Variants in LIMCH1 observed in about 807,000 individuals in gnomAD.
LIMCH1 encodes the protein LIM and calponin homology domains 1, also known as LIM and calponin homology domains-containing protein 1.
In LIMCH1, 113 loss-of-function variants were observed where a neutral mutation model predicts 176.5. The ratio of observed to expected loss-of-function variants is 0.64; its 90% CI spans 0.55 to 0.75. The LOEUF (loss-of-function observed/expected upper bound fraction) is 0.75, where lower values mean the gene tolerates loss of function less well. Ranked by LOEUF, LIMCH1 falls within the 30% of genes least tolerant of loss-of-function variation. LIMCH1 has a pLI of 0.00. For missense variants in LIMCH1, 1,674 were observed against 1,814.9 expected, an observed-to-expected ratio of 0.92 and a Z score of 1.41; for synonymous variants, 619 against 645.9, an observed-to-expected ratio of 0.96 and a Z score of 0.63.
intron 1 of LIMCH1, among the ~76,000 whole-genome samples, chr4:41,396,100 A>G (rs2057776706): frequency 6.6e-6 from 1 of 152,212 alleles, no homozygotes; most frequent in Admixed American, 6.5e-5. Flanking sequence ...GAGGAGCAGT[A>G]ACAGAAGTCA....
intron 1 of LIMCH1, among the ~76,000 whole-genome samples, chr4:41,567,778 G>A (rs370385408): frequency 2.6e-5 from 4 of 152,268 alleles, no homozygotes; most frequent in African/African-American, 7.2e-5. Context: ...GTAATAAATA[G>A]CTCTTTTTTT....
chr4:41,565,171 G>A (rs568398585), intron 1 of LIMCH1, among the ~76,000 whole-genome samples: 208 of 152,218 alleles, frequency 1.4e-3, no homozygotes, highest in Middle Eastern at 3.4e-3. Flanking sequence ...TTTTGCCAGT[G>A]CCTAGAAGCT....
At chr4:41,598,470 G>T (rs1327967658) in intron 1 of LIMCH1, among the ~76,000 whole-genome samples, 1 of 150,810 alleles carries the variant, frequency 6.6e-6, no homozygotes, top group Non-Finnish European at 1.5e-5. Context: ...TACATCTAAA[G>T]AATATATTTT....
chr4:41,682,240 T>C, intron 25 of LIMCH1, 93 bp from the exon 26 acceptor site: 1 of 903,694 alleles, frequency 1.1e-6, no homozygotes, highest in Non-Finnish European at 1.6e-6. Flanking sequence ...GGTAACATGA[T>C]TGAAAAATAC....
At chr4:41,603,730 C>A in intron 2 of LIMCH1, 145 bp from the exon 3 acceptor site, 1 of 579,932 alleles carries the variant, frequency 1.7e-6, no homozygotes, top group Non-Finnish European at 3.0e-6. Flanking sequence ...CCCGAAATCA[C>A]AAAACTTAAG....
intron 1 of LIMCH1, among the ~76,000 whole-genome samples, chr4:41,404,515 C>T (rs1382983198): frequency 5.3e-5 from 8 of 152,056 alleles, no homozygotes; most frequent in Admixed American, 1.3e-4. Context: ...CGGTGGCTCA[C>T]GCTTGTAATC....
intron 1 of LIMCH1, among the ~76,000 whole-genome samples, chr4:41,395,023 T>C (rs2057649386): frequency 6.6e-6 from 1 of 152,130 alleles, no homozygotes; most frequent in Admixed American, 6.6e-5. Flanking sequence ...AATTTAAAGA[T>C]AGTATTGGGG....
upstream of LIMCH1, among the ~76,000 whole-genome samples, chr4:41,535,869 T>C (rs1310290202): frequency 2.0e-5 from 3 of 152,228 alleles, no homozygotes; most frequent in African/African-American, 7.2e-5. Context: ...TAAAGCTTTT[T>C]TTTCCCCAAC....
At chr4:41,365,267 A>C (rs1012193195) in intron 1 of LIMCH1, among the ~76,000 whole-genome samples, 1 of 152,196 alleles carries the variant, frequency 6.6e-6, no homozygotes, top group Non-Finnish European at 1.5e-5. Flanking sequence ...AAGAGTGAGA[A>C]CTAGTGCTGG....
intron 30 of LIMCH1, among the ~76,000 whole-genome samples, chr4:41,692,022 A>G (rs1726373381): frequency 6.6e-6 from 1 of 152,210 alleles, no homozygotes; most frequent in Non-Finnish European, 1.5e-5. Flanking sequence ...TATCAGCTCC[A>G]CAACCTAGGA....
intron 1 of LIMCH1, among the ~76,000 whole-genome samples, chr4:41,590,272 G>T (rs142621269): frequency 6.6e-6 from 1 of 151,936 alleles, no homozygotes; most frequent in South Asian, 2.1e-4. Context: ...TTTTATTTTT[G>T]TAGAGATAAG....
chr4:41,460,458 C>CTTTATATATATATATATATATATATATA (rs372751468), intron 1 of LIMCH1, among the ~76,000 whole-genome samples: 2 of 110,542 alleles, frequency 1.8e-5, no homozygotes, highest in African/African-American at 4.0e-5. Flanking sequence ...TAGTAATCAT[C>CTTTATATATATATATATATATATATATA]TATATATATA....
chr4:41,418,116 C>T (rs1368982369), intron 1 of LIMCH1, among the ~76,000 whole-genome samples: 3 of 152,176 alleles, frequency 2.0e-5, no homozygotes, highest in African/African-American at 4.8e-5. Flanking sequence ...AATTCACTTG[C>T]ATTTGACTTT....
intron 2 of LIMCH1, among the ~76,000 whole-genome samples, chr4:41,524,233 G>A (rs10014221): frequency 0.52 from 78,922 of 152,090 alleles, 23,649 homozygotes; most frequent in African/African-American, 0.83. Context: ...CCAACTTGAT[G>A]TTGGCAAAGC....
At chr4:41,612,878 G>C (rs151253368) in intron 4 of LIMCH1, 31 of 1,069,476 alleles carry the variant, frequency 2.9e-5, no homozygotes, top group Middle Eastern at 3.0e-4. Flanking sequence ...TTTAACTTTT[G>C]CCTCAGAAAG....
rs35832745 is a variant in LIMCH1 at position 41,367,684 on chromosome 4, C to CAAA, written c.96+6768_96+6770dup. Among the ~76,000 whole-genome samples, 314 of 96,440 alleles carry CAAA rather than the reference C, an allele frequency of 3.3e-3. 29 individuals carry two copies. The highest frequency in any genetic ancestry group is 0.011 in the South Asian group (27 of 2,548). The allele number at this position is 96,440 out of a possible 152,430, so 63.3% of individuals were successfully genotyped here. On this transcript the variant is annotated intron_variant, in intron 1 of 26. Coordinates refer to the LIMCH1 transcript ENST00000313860. ...TGAAACCCTGTCTCTACTAAAAATC[C>CAAA]AAAAAAAAAAAAAAAAAAAAAAGGA...
At chr4:41,642,782 T>C (rs1196627130) in intron 14 of LIMCH1, among the ~76,000 whole-genome samples, 1 of 148,882 alleles carries the variant, frequency 6.7e-6, no homozygotes, top group African/African-American at 2.5e-5. Context: ...TTTCACCATG[T>C]TGGCCAGGCT....
At chr4:41,411,283 T>C (rs2059453962) in intron 1 of LIMCH1, among the ~76,000 whole-genome samples, 1 of 152,224 alleles carries the variant, frequency 6.6e-6, no homozygotes, top group Non-Finnish European at 1.5e-5. Context: ...AACCTGTTCC[T>C]TTGCTTGCAT....
At chr4:41,435,294 G>A (rs766207776) in intron 1 of LIMCH1, among the ~76,000 whole-genome samples, 1 of 152,154 alleles carries the variant, frequency 6.6e-6, no homozygotes, top group East Asian at 1.9e-4. Context: ...GATGCATTTC[G>A]ACGATGAAGA....
Sources: gnomAD v4.1 joint callset for allele counts (sites outside exome capture counted in the v4.1 genomes callset) on GRCh38, gnomAD v4.1.1 for gene constraint, MANE v1.5 for transcripts, NCBI Gene and HGNC (gene_info 2026-07-23, HGNC 2026-07-21) for gene names.